ZFR: variants seen among roughly 807,000 people sequenced by gnomAD.
The protein encoded by ZFR is zinc finger RNA-binding protein.
In ZFR, 19 loss-of-function variants were observed where a neutral mutation model predicts 130.7. The observed-to-expected ratio is 0.15, with a 90% CI of 0.10 to 0.21. ZFR has a LOEUF of 0.21. ZFR is among the 10% of genes least tolerant of loss of function. ZFR has a pLI of 1.00. For synonymous variants in ZFR, 466 were observed against 456.9 expected (o/e 1.02, Z -0.25); for missense variants, 872 against 1,321.5 (o/e 0.66, Z 5.27).
intron 2 of ZFR, among the ~76,000 whole-genome samples, chr5:32,440,311 T>A (rs928010322): frequency 6.6e-6 from 1 of 152,136 alleles, no homozygotes; most frequent in Non-Finnish European, 1.5e-5. Context: ...TGTAAACACA[T>A]ACAAACGAAT....
In ZFR at chr5:32,388,630, T is replaced by C; in HGVS notation, c.2187A>G (p.Thr729=). 6.2e-7 allele frequency: 1 copy of C among 1,614,064 alleles called. No homozygotes were observed. The highest frequency in any genetic ancestry group is 8.5e-7 in the Non-Finnish European group (1 of 1,179,928). ...PDSSDDRYVM[T]KHATIYPTEE... ...CAGTTGGATAAATGGTGGCATGTTT[T>C]GTCATTACATAACGGTCATCAGATG... is the stretch of plus-strand genomic sequence containing the variant. The change falls in exon 13 of 20, where the codon ACA becomes ACG. Residue 729 remains threonine, a synonymous_variant. Coordinates refer to ENST00000265069, the MANE Select transcript of ZFR (RefSeq NM_016107.5).
intron 4 of ZFR, among the ~76,000 whole-genome samples, chr5:32,415,550 C>T (rs1753809602): frequency 6.7e-6 from 1 of 149,684 alleles, no homozygotes; most frequent in African/African-American, 2.5e-5. Context: ...CAGTCTACTT[C>T]AGTTAGGCTT....
chr5:32,436,140 C>CTTTTTTTTT lies in ZFR; in HGVS notation c.137+8080_137+8088dup, dbSNP rs370998112. On this transcript the variant is annotated intron_variant, in intron 2 of 19. Transcript: ENST00000265069. Reference sequence around the variant, plus strand: ...TAAAGTTGGTAACCACAGTTGTATTCTTTTTTTTTTTTTTTTTTTTTTTTT... The same window carrying CTTTTTTTTT: ...TAAAGTTGGTAACCACAGTTGTATTCTTTTTTTTTTTTTTTTTTTTTTTTTTTTTTTTTT... 1.6e-4 allele frequency among the ~76,000 whole-genome samples: 15 copies of CTTTTTTTTT among 91,800 alleles called. 1 individual carries two copies. Among genetic ancestry groups the CTTTTTTTTT allele is most frequent in the Non-Finnish European group, 2.2e-4 (11 of 51,020 alleles). 60.2% of individuals were successfully genotyped at this position (91,800 alleles called of 152,430 possible). A position where few individuals can be genotyped will look rare whatever the true frequency, so the allele number is the denominator to read the frequency against.
At chr5:32,385,192 A>G (rs1163668793) in intron 15 of ZFR, among the ~76,000 whole-genome samples, 2 of 151,632 alleles carry the variant, frequency 1.3e-5, no homozygotes, top group African/African-American at 4.8e-5. Flanking sequence ...ACATTTTAAA[A>G]CCATTTTTTC....
At chr5:32,438,921 G>A (rs1266433654) in intron 2 of ZFR, among the ~76,000 whole-genome samples, 2 of 152,214 alleles carry the variant, frequency 1.3e-5, no homozygotes, top group African/African-American at 4.8e-5. Context: ...TCTTAGAGAA[G>A]CTGATACTTG....
intron 10 of ZFR, 121 bp downstream of exon 10, chr5:32,397,098 A>C (rs935839830): frequency 9.2e-6 from 10 of 1,086,594 alleles, no homozygotes; most frequent in Middle Eastern, 2.5e-4. Flanking sequence ...CTAATCTTAG[A>C]ATGGGACATC....
intron 11 of ZFR, chr5:32,394,229 TA>T (rs1753244578): frequency 6.3e-6 from 1 of 159,064 alleles, no homozygotes; most frequent in South Asian, 2.1e-4. Context: ...AATGAACGAA[TA>T]AACAAAATGT....
intron 10 of ZFR, among the ~76,000 whole-genome samples, chr5:32,395,698 T>C (rs1211839725): frequency 6.6e-6 from 1 of 152,220 alleles, no homozygotes; most frequent in African/African-American, 2.4e-5. Flanking sequence ...TTCCTCAGCC[T>C]ACTCAACTTG....
rs1338098757 is a variant in ZFR, at chr5:32,397,216, C to T, written c.1833+3G>A. The stretch of plus-strand genomic sequence containing the variant: ...AGAAGGTAATAGCTGAAATTTTACT[C>T]ACTTTATATTGAAGTCTGTGTCTTC... On this transcript the variant is annotated splice_donor_region_variant and intron_variant, in intron 10 of 19. Transcript: ENST00000265069. 6.3e-7 allele frequency: 1 copy of T among 1,584,990 alleles called. No homozygotes were observed. Among genetic ancestry groups the T allele is most frequent in the Non-Finnish European group, 8.6e-7 (1 of 1,168,518 alleles).
intron 4 of ZFR, 88 bp from the exon 5 acceptor site, chr5:32,415,275 G>T: frequency 8.6e-7 from 1 of 1,162,450 alleles, no homozygotes; most frequent in Non-Finnish European, 1.2e-6. Context: ...GAAAGAATAG[G>T]TACAAACATC....
At chr5:32,402,775 C>T (rs1753486249) in intron 8 of ZFR, among the ~76,000 whole-genome samples, 1 of 90,436 alleles carries the variant, frequency 1.1e-5, no homozygotes, top group African/African-American at 4.7e-5. Flanking sequence ...GGGGCTCTGT[C>T]TCAAAAATGA....
At chr5:32,366,334 A>G (rs934127476) in intron 17 of ZFR, among the ~76,000 whole-genome samples, 2 of 152,246 alleles carry the variant, frequency 1.3e-5, no homozygotes, top group Non-Finnish European at 2.9e-5. Context: ...AGCATTAAGT[A>G]ATCAGCTACA....
intron 11 of ZFR, among the ~76,000 whole-genome samples, chr5:32,390,690 CCT>C: frequency 6.6e-6 from 1 of 152,176 alleles, no homozygotes; most frequent in African/African-American, 2.4e-5. Context: ...CAGTTTCTTA[CCT>C]CTCTCCTGCT....
chr5:32,400,271 A>C, intron 8 of ZFR, 68 bp from the exon 9 acceptor site: 1 of 1,178,716 alleles, frequency 8.5e-7, no homozygotes, highest in Non-Finnish European at 1.1e-6. Flanking sequence ...GATAAGACGA[A>C]AACTTCAGAT....
intron 19 of ZFR, 102 bp downstream of exon 19, chr5:32,363,846 G>A (rs902241386): frequency 9.5e-5 from 91 of 959,788 alleles, no homozygotes; most frequent in East Asian, 3.8e-4. Context: ...GCAGAAGAAC[G>A]AATATTATAT....
At chr5:32,444,046 C>G (rs1330731459) in intron 2 of ZFR, among the ~76,000 whole-genome samples, 183 bp downstream of exon 2, 1 of 135,180 alleles carries the variant, frequency 7.4e-6, no homozygotes, top group Non-Finnish European at 1.6e-5. Context: ...CGGGCCGGGC[C>G]GGGCCGGGCA....
chr5:32,403,337 TAAC>T lies in ZFR; in HGVS notation c.1282_1284del (p.Val428del). 4 of 1,614,220 alleles carry T rather than the reference TAAC, an allele frequency of 2.5e-6. No homozygotes were observed. Among genetic ancestry groups the T allele is most frequent in the Non-Finnish European group, 3.4e-6 (4 of 1,180,028 alleles). On this transcript the variant is annotated inframe_deletion, in exon 8 of 20. Coordinates refer to ENST00000265069, the MANE Select transcript of ZFR (RefSeq NM_016107.5). The stretch of plus-strand genomic sequence containing the variant: ...ACAGCTGTTGAAGAAGTAGCTTGGC[TAAC>T]AACATTTGGTTCTGTTGATGGAATG...
intron 2 of ZFR, among the ~76,000 whole-genome samples, chr5:32,426,643 T>C (rs919286394): frequency 3.3e-5 from 5 of 152,238 alleles, no homozygotes; most frequent in Non-Finnish European, 7.3e-5. Context: ...GGCTCACACC[T>C]GTAATCACAG....
intron 1 of ZFR, 105 bp from the exon 2 acceptor site, chr5:32,444,433 C>T: frequency 2.2e-6 from 3 of 1,376,914 alleles, no homozygotes; most frequent in Non-Finnish European, 2.9e-6. Context: ...GCCGTGAGAG[C>T]AGCCCTGGCG....
Sources: allele counts gnomAD v4.1 joint callset (sites outside exome capture counted in the v4.1 genomes callset), GRCh38; gene constraint gnomAD v4.1.1; transcripts MANE v1.5; gene names NCBI Gene and HGNC (gene_info 2026-07-23, HGNC 2026-07-21).